Variants in BMP5 observed in about 807,000 individuals in gnomAD.
BMP5 encodes the protein bone morphogenetic protein 5.
A neutral mutation model predicts 46.6 loss-of-function variants in BMP5; 23 were observed. That is an observed-to-expected ratio of 0.49 (90% CI 0.35 to 0.70). The LOEUF (loss-of-function observed/expected upper bound fraction) is 0.70. Ranked by LOEUF, BMP5 falls within the 30% of genes least tolerant of loss-of-function variation. The probability of loss-of-function intolerance (pLI) is 0.00; values close to 1 mark genes in which losing one functional copy is unlikely to be tolerated. For synonymous variants in BMP5, 204 were observed against 191.9 expected (o/e 1.06, Z -0.52); for missense variants, 545 against 565.6 (o/e 0.96, Z 0.37).
chr6:55,827,210 TAGAA>T (rs1400154079), intron 1 of BMP5, among the ~76,000 whole-genome samples: 1 of 151,746 alleles, frequency 6.6e-6, no homozygotes, highest in Non-Finnish European at 1.5e-5. Context: ...AAAAGGCTGT[TAGAA>T]AGGACTCATT....
At chr6:55,783,017 G>C (rs1040399836) in intron 3 of BMP5, among the ~76,000 whole-genome samples, 2 of 152,042 alleles carry the variant, frequency 1.3e-5, no homozygotes, top group African/African-American at 4.8e-5. Context: ...TTTTCACCTT[G>C]AGAAGAATGG....
intron 3 of BMP5, among the ~76,000 whole-genome samples, chr6:55,788,116 T>C (rs9349794): frequency 0.2 from 29,959 of 151,578 alleles, 3,343 homozygotes; most frequent in African/African-American, 0.28. Flanking sequence ...AATAGGTTTA[T>C]TAACTCAAAT....
chr6:55,780,850 A>G (rs1039011129), intron 3 of BMP5, among the ~76,000 whole-genome samples: 1 of 152,058 alleles, frequency 6.6e-6, no homozygotes, highest in Non-Finnish European at 1.5e-5. Context: ...GTTTGTGCCC[A>G]GTTGTGGAAG....
At chr6:55,763,467 A>C (rs1161807692) in intron 4 of BMP5, among the ~76,000 whole-genome samples, 1 of 152,156 alleles carries the variant, frequency 6.6e-6, no homozygotes, top group Non-Finnish European at 1.5e-5. Context: ...AAATTAATGG[A>C]TAGTGAGTGA....
At chr6:55,865,943 A>G (rs1399652483) in intron 1 of BMP5, among the ~76,000 whole-genome samples, 1 of 152,164 alleles carries the variant, frequency 6.6e-6, no homozygotes, top group Non-Finnish European at 1.5e-5. Context: ...CTGAAACCCT[A>G]CTAAAACAGT....
rs534946954 is a variant in BMP5, at chr6:55,827,358, G to GT, written c.491-7512dup. On this transcript the variant is annotated intron_variant, in intron 1 of 6. Transcript: ENST00000370830. ...TTTCTAGAAGCTAGATGTCATTGTG[G>GT]TTTTTTTAAAAATGTTTGTTATTAT... Among the ~76,000 whole-genome samples, 646 of 151,484 alleles carry GT rather than the reference G, an allele frequency of 4.3e-3. 4 individuals are homozygous for GT. The highest frequency in any genetic ancestry group is 0.014 in the African/African-American group (595 of 41,404).
intron 1 of BMP5, among the ~76,000 whole-genome samples, chr6:55,845,447 A>G (rs1024146088): frequency 6.6e-6 from 1 of 151,986 alleles, no homozygotes; most frequent in African/African-American, 2.4e-5. Flanking sequence ...CATAACCACA[A>G]GGCGACGGGA....
At chr6:55,830,574 T>G (rs929389890) in intron 1 of BMP5, among the ~76,000 whole-genome samples, 8 of 152,086 alleles carry the variant, frequency 5.3e-5, no homozygotes, top group African/African-American at 1.9e-4. Context: ...CCATCTTATT[T>G]TAGATTCAAA....
intron 1 of BMP5, among the ~76,000 whole-genome samples, chr6:55,848,246 C>G (rs918421844): frequency 2.0e-5 from 3 of 151,918 alleles, no homozygotes; most frequent in Non-Finnish European, 4.4e-5. Context: ...TCAGCTGACT[C>G]CTGGTTTCTG....
chr6:55,768,976 C>A (rs947562029), intron 4 of BMP5, among the ~76,000 whole-genome samples: 1 of 151,876 alleles, frequency 6.6e-6, no homozygotes, highest in South Asian at 2.1e-4. Context: ...AATGTACATA[C>A]CTTAGTTAAA....
At chr6:55,758,595 T>G (rs1238792339) in intron 6 of BMP5, among the ~76,000 whole-genome samples, 6 of 151,984 alleles carry the variant, frequency 3.9e-5, no homozygotes, top group Non-Finnish European at 8.8e-5. Context: ...TACCAAAGTA[T>G]GTTATAGAAC....
chr6:55,808,450 A>G (rs1776044836), intron 2 of BMP5, among the ~76,000 whole-genome samples: 1 of 152,122 alleles, frequency 6.6e-6, no homozygotes, highest in Non-Finnish European at 1.5e-5. Context: ...CCCTCCCCCA[A>G]GGACCTCAAA....
chr6:55,768,893 C>T (rs1367902348), intron 4 of BMP5, among the ~76,000 whole-genome samples: 1 of 151,806 alleles, frequency 6.6e-6, no homozygotes, highest in African/African-American at 2.4e-5. Flanking sequence ...TTTTTGGTTT[C>T]CCAGTGCATG....
chr6:55,823,550 A>T (rs1776459414), intron 1 of BMP5, among the ~76,000 whole-genome samples: 1 of 152,036 alleles, frequency 6.6e-6, no homozygotes, highest in African/African-American at 2.4e-5. Flanking sequence ...AAAGAGCCCA[A>T]AACTTGTAAT....
chr6:55,787,771 A>G lies in BMP5; in HGVS notation c.832+6508T>C, dbSNP rs533032497. 4.2e-4 allele frequency among the ~76,000 whole-genome samples: 64 copies of G among 151,812 alleles called. 1 individual carries two copies. The South Asian group carries it at 0.013, about 30-fold the overall frequency. Reference sequence around the variant, plus strand: ...CTTTCAAGATAATTGTCCTGATAACAAAAGACTTTATTTGAAGTTTGCAGA... The same window carrying G: ...CTTTCAAGATAATTGTCCTGATAACGAAAGACTTTATTTGAAGTTTGCAGA... On this transcript the variant is annotated intron_variant, in intron 3 of 6. Transcript: ENST00000370830.
intron 1 of BMP5, among the ~76,000 whole-genome samples, chr6:55,859,338 G>A (rs1777477634): frequency 6.6e-6 from 1 of 152,066 alleles, no homozygotes; most frequent in Non-Finnish European, 1.5e-5. Context: ...AACTGGTCAG[G>A]AATGTTTAAG....
rs147290135 is a variant in BMP5, at chr6:55,756,216, T to A, written c.1216-534A>T. Reference sequence around the variant, plus strand: ...AAAATAAAATCCACATATAATCCAATACTTGCCTTAGAGCAATGATTTCAG... The same window carrying A: ...AAAATAAAATCCACATATAATCCAAAACTTGCCTTAGAGCAATGATTTCAG... On this transcript the variant is annotated intron_variant, in intron 6 of 6. Transcript: ENST00000370830. Among the ~76,000 whole-genome samples, 264 of 152,084 alleles carry A rather than the reference T, an allele frequency of 1.7e-3. 1 individual carries two copies. Among genetic ancestry groups the A allele is most frequent in the African/African-American group, 6.1e-3 (253 of 41,544 alleles).
chr6:55,815,133 C>CAAAAAAAAAAAAAAAAAAA (rs35015007), intron 2 of BMP5, among the ~76,000 whole-genome samples: 1 of 77,966 alleles, frequency 1.3e-5, no homozygotes, highest in Non-Finnish European at 2.5e-5. Flanking sequence ...AACTCCATCT[C>CAAAAAAAAAAAAAAAAAAA]AAAAAAAAAA....
At chr6:55,826,141 T>G (rs935600674) in intron 1 of BMP5, among the ~76,000 whole-genome samples, 4 of 151,826 alleles carry the variant, frequency 2.6e-5, no homozygotes, top group Non-Finnish European at 5.9e-5. Context: ...TTTCCATGAA[T>G]GGATAACCAT....
Sources: allele counts gnomAD v4.1 joint callset (sites outside exome capture counted in the v4.1 genomes callset), GRCh38; gene constraint gnomAD v4.1.1; transcripts MANE v1.5; gene names NCBI Gene and HGNC (gene_info 2026-07-23, HGNC 2026-07-21).